USP20: variants seen among roughly 807,000 people sequenced by gnomAD.
The protein encoded by USP20 is ubiquitin specific peptidase 20.
A neutral mutation model predicts 124.2 loss-of-function variants in USP20; 80 were observed. That is an observed-to-expected ratio of 0.64 (90% CI 0.54 to 0.78). The LOEUF (loss-of-function observed/expected upper bound fraction) is 0.78. Ranked by LOEUF, USP20 falls within the 30% of genes least tolerant of loss-of-function variation. The pLI, the probability that USP20 is intolerant of heterozygous loss-of-function variation, is 0.00. For missense variants in USP20, 1,043 were observed against 1,244.4 expected (o/e 0.84, Z 2.44); for synonymous variants, 481 against 512.3 (o/e 0.94, Z 0.83).
In USP20 at chr9:129,858,047, C is replaced by T; in HGVS notation, c.136-3C>T. 2.5e-6 allele frequency: 4 copies of T among 1,613,674 alleles called. No homozygotes were observed. Among genetic ancestry groups the T allele is most frequent in the African/African-American group, 1.3e-5 (1 of 75,032 alleles). On this transcript the variant is annotated splice_polypyrimidine_tract_variant and splice_region_variant and intron_variant, in intron 4 of 25. Transcript: ENST00000372429. Reference sequence around the variant, plus strand: ...AGTCCACTCTCCTTCCCTCTCTTCCCAGGTTGCCTGCCCCTATGTTGGCTG... The same window carrying T: ...AGTCCACTCTCCTTCCCTCTCTTCCTAGGTTGCCTGCCCCTATGTTGGCTG...
chr9:129,873,749 GC>G lies in USP20; in HGVS notation c.1740+7del. On this transcript the variant is annotated splice_donor_region_variant and intron_variant, in intron 17 of 25. Transcript: ENST00000372429. Reference sequence around the variant, plus strand: ...AAAGTCCTGCGGTTGCCCGAGGTGAGCCAGTGGCCTCGGCAGCCTCCTCCTC... The same window carrying G: ...AAAGTCCTGCGGTTGCCCGAGGTGAGCAGTGGCCTCGGCAGCCTCCTCCTC... 1 of 1,611,752 alleles carries G rather than the reference GC, an allele frequency of 6.2e-7. No homozygotes were observed. Among genetic ancestry groups the G allele is most frequent in the African/African-American group, 1.3e-5 (1 of 75,050 alleles).
At position 129,863,167 on chromosome 9, in the gene USP20, C is replaced by T; in HGVS notation, c.498-19C>T. 6.6e-7 allele frequency: 1 copy of T among 1,508,678 alleles called. No individual in the cohort carries two copies. Among genetic ancestry groups the T allele is most frequent in the Non-Finnish European group, 9.0e-7 (1 of 1,115,026 alleles). The allele number at this position is 1,508,678 out of a possible 1,614,324, so 93.5% of individuals were successfully genotyped here. A position where few individuals can be genotyped will look rare whatever the true frequency, so the allele number is the denominator to read the frequency against. ...CCTCATTTGCTCTCCTGACCTGGCT[C>T]TCTCTCCCCTGCACCCAGCCCGCCG... On this transcript the variant is annotated intron_variant, in intron 8 of 25. Coordinates refer to ENST00000372429, the MANE Select transcript of USP20 (RefSeq NM_001110303.4).
At chr9:129,864,793 C>T (rs1225608292) in intron 9 of USP20, among the ~76,000 whole-genome samples, 1 of 146,228 alleles carries the variant, frequency 6.8e-6, no homozygotes, top group African/African-American at 2.5e-5. Context: ...AAAAAAAAAA[C>T]CCAGCATGGT....
At chr9:129,876,101 C>A in intron 21 of USP20, 29 bp from the exon 22 acceptor site, 1 of 1,586,650 alleles carries the variant, frequency 6.3e-7, no homozygotes, top group Non-Finnish European at 8.6e-7. Context: ...CCGCTCAGGC[C>A]GTGTCTCTCT....
chr9:129,880,387 C>T (rs1432502233), intron 25 of USP20, 80 bp from the exon 26 acceptor site: 9 of 1,350,184 alleles, frequency 6.7e-6, no homozygotes, highest in Non-Finnish European at 9.0e-6. Flanking sequence ...AGAGCAGGTC[C>T]CTGAAAGCAC....
At chr9:129,846,251 T>A (rs867394877) in intron 1 of USP20, among the ~76,000 whole-genome samples, 1,386 of 90,504 alleles carry the variant, frequency 0.015, 14 homozygotes, top group African/African-American at 0.069. Flanking sequence ...ATATATATTT[T>A]TTTTTTTTTT....
intron 1 of USP20, among the ~76,000 whole-genome samples, chr9:129,848,535 C>T (rs2032719389): frequency 6.6e-6 from 1 of 152,012 alleles, no homozygotes; most frequent in African/African-American, 2.4e-5. Flanking sequence ...CAGCTGTAAT[C>T]CCAGCAACTC....
intron 1 of USP20, among the ~76,000 whole-genome samples, chr9:129,840,411 CAGTG>C (rs1489281531): frequency 6.6e-6 from 1 of 152,162 alleles, no homozygotes; most frequent in East Asian, 1.9e-4. Flanking sequence ...TCTGGAGGCT[CAGTG>C]GGTGCTGGGT....
rs897731911 is a variant in USP20 at position 129,879,607 on chromosome 9, ACAGGTCAAAGGAAGCGGC to A, written c.2550_2567del (p.Gln850_Gly855del). The stretch of plus-strand genomic sequence containing the variant: ...GGCCCATTGACAACAGCAGGATTGC[ACAGGTCAAAGGAAGCGGC>A]CATGTCCAGCTGAAGCAGGGTGAGT... On this transcript the variant is annotated inframe_deletion, in exon 24 of 26. Coordinates refer to ENST00000372429, the MANE Select transcript of USP20 (RefSeq NM_001110303.4). This position sits in a 1 kb window ranked among gnomAD's most constrained non-coding sequence, Gnocchi z 4.2. 15 of 1,613,736 alleles carry A rather than the reference ACAGGTCAAAGGAAGCGGC, an allele frequency of 9.3e-6. No homozygotes were observed. The Admixed American group carries it at 2.0e-4, about 22-fold the overall frequency.
chr9:129,874,466 C>T (rs1401543807), intron 17 of USP20, 110 bp from the exon 18 acceptor site: 6 of 1,419,248 alleles, frequency 4.2e-6, no homozygotes, highest in African/African-American at 1.4e-5. Flanking sequence ...GGATTTGTTC[C>T]AATGGAGTCA....
At position 129,880,171 on chromosome 9, in the gene USP20, A is replaced by T. The variant is rs1217258749; in HGVS notation, c.2643A>T (p.Gly881=). Residue 881 remains glycine (G), a synonymous_variant, in exon 25 of 26, where the codon GGA becomes GGT. Transcript: ENST00000372429. ...GGACCTACCTGAACAGCCTGTATGG[A>T]GGTGGCCCCGAGATTGCCATCCGCC... ...ETWTYLNSLY[G]GGPEIAIRQS... is the part of the protein sequence containing the mutation. 6.2e-7 allele frequency: 1 copy of T among 1,613,710 alleles called. No individual in the cohort carries two copies. The highest frequency in any genetic ancestry group is 8.5e-7 in the Non-Finnish European group (1 of 1,180,020).
At chr9:129,854,661 A>G (rs1428986470) in intron 3 of USP20, among the ~76,000 whole-genome samples, 1 of 152,170 alleles carries the variant, frequency 6.6e-6, no homozygotes, top group African/African-American at 2.4e-5. Flanking sequence ...AAAACTGGGA[A>G]GAGGAGGGTG....
chr9:129,880,193 C>T lies in USP20; in HGVS notation c.2665C>T (p.Arg889Cys), dbSNP rs200854092. The T allele has an allele frequency of 5.9e-5, 95 of 1,613,802 alleles. No individual in the cohort carries two copies. In the African/African-American group the frequency reaches 6.9e-4, roughly 12 times the overall value. ...LYGGGPEIAIRQSVAQPLGPE... is the reference protein window; with the variant it reads ...LYGGGPEIAICQSVAQPLGPE... ...TGGAGGTGGCCCCGAGATTGCCATCCGCCAGAGTGTGGCGCAGCCGCTGGG... is the reference window on the plus strand; with the variant it reads ...TGGAGGTGGCCCCGAGATTGCCATCTGCCAGAGTGTGGCGCAGCCGCTGGG... The change falls in exon 25 of 26, where the codon CGC (arginine) becomes TGC (cysteine). Residue 889 changes from arginine (R) to cysteine (C), a missense_variant. Coordinates refer to ENST00000372429, the MANE Select transcript of USP20 (RefSeq NM_001110303.4).
At chr9:129,876,100 C>T (rs1292494983) in intron 21 of USP20, 30 bp from the exon 22 acceptor site, 1 of 1,585,394 alleles carries the variant, frequency 6.3e-7, no homozygotes, top group South Asian at 1.1e-5. Flanking sequence ...CCCGCTCAGG[C>T]CGTGTCTCTC....
In USP20 at chr9:129,855,860, A is replaced by T. The variant is rs1434554036; in HGVS notation, c.82-447A>T. ...GTTTGCCAGGTCTAGTGAACTCTTC[A>T]TTTATACCAGGCCCTGTGAACTCAC... On this transcript the variant is annotated intron_variant, in intron 3 of 25. Coordinates refer to ENST00000372429, the MANE Select transcript of USP20 (RefSeq NM_001110303.4). Among the ~76,000 whole-genome samples the T allele has an allele frequency of 2.0e-5, 3 of 152,054 alleles. No individual in the cohort carries two copies. In the East Asian group the frequency reaches 5.8e-4, roughly 29 times the overall value.
rs537109993 is a variant in USP20 at position 129,880,537 on chromosome 9, C to T, written c.*87C>T. The T allele has an allele frequency of 2.6e-4, 128 of 486,028 alleles. No individual in the cohort carries two copies. Among genetic ancestry groups the T allele is most frequent in the Middle Eastern group, 2.2e-3 (4 of 1,788 alleles). 30.1% of individuals were successfully genotyped at this position (486,028 alleles called of 1,614,324 possible). ...GAGGCCGGGCTGCTGCAGAACCCCG[C>T]CGTGTAAAGAGGCAGAAAAGTTGGT... On this transcript the variant is annotated 3_prime_UTR_variant, in exon 26 of 26. Transcript: ENST00000372429.
chr9:129,875,308 A>G lies in USP20; in HGVS notation c.2049-2A>G. ...GCTTCTCGCCCCCTCCTCACCCCAC[A>G]GGAAGAGCAGCGAGGAGGCCATGCG... On this transcript the variant is annotated splice_acceptor_variant, in intron 19 of 25. Transcript: ENST00000372429. LOFTEE classifies it high-confidence loss of function. The G allele has an allele frequency of 6.2e-7, 1 of 1,603,148 alleles. No individual in the cohort carries two copies.
chr9:129,861,043 C>G lies in USP20; in HGVS notation c.427+10C>G. 1 of 1,613,016 alleles carries G rather than the reference C, an allele frequency of 6.2e-7. No individual in the cohort carries two copies. Among genetic ancestry groups the G allele is most frequent in the Non-Finnish European group, 8.5e-7 (1 of 1,179,042 alleles). On this transcript the variant is annotated intron_variant, in intron 7 of 25. Transcript: ENST00000372429. The stretch of plus-strand genomic sequence containing the variant: ...GACCTGAAACCTCGAGGTAATGGCC[C>G]CCACAGCAGGGGAAGCTGATGGGCT...
Position 129,863,199 on chromosome 9 carries a change from C to T in USP20, c.511C>T (p.Gln171Ter), listed in dbSNP as rs2033641342. ...CCCTGCACCCAGCCCGCCGCTGACT[C>T]AGTTCTTCTTGGAGTGTGGCGGCCT... ...QALSNCPPLT[Q>*]FFLECGGLVR... The change falls in exon 9 of 26, where the codon CAG (glutamine) becomes TAG (stop). Residue 171 changes from glutamine to a stop codon, truncating the protein, a stop_gained. Coordinates refer to ENST00000372429, the MANE Select transcript of USP20 (RefSeq NM_001110303.4). LOFTEE classifies it high-confidence loss of function. 2.0e-6 allele frequency: 3 copies of T among 1,538,198 alleles called. No homozygotes were observed. The highest frequency in any genetic ancestry group is 2.7e-5 in the African/African-American group (2 of 72,886).
Sources: gnomAD v4.1 joint callset for allele counts (sites outside exome capture counted in the v4.1 genomes callset) on GRCh38, gnomAD v4.1.1 for gene constraint, Gnocchi (gnomAD v3.1) non-coding constraint, MANE v1.5 for transcripts, NCBI Gene and HGNC (gene_info 2026-07-23, HGNC 2026-07-21) for gene names.